The following UVRAG variants were observed in gnomAD, a reference collection of about 807,000 sequenced individuals.
The protein encoded by UVRAG is UV radiation resistance-associated gene protein.
Under a neutral mutation model 78.0 loss-of-function variants are expected in UVRAG, and 19 were observed. The ratio of observed to expected loss-of-function variants is 0.24; its 90% CI spans 0.17 to 0.36. The LOEUF (loss-of-function observed/expected upper bound fraction) is 0.36, where lower values mean the gene tolerates loss of function less well. Among genes scored for constraint, UVRAG ranks in the 10% least tolerant of loss-of-function variants. The pLI, the probability that UVRAG is intolerant of heterozygous loss-of-function variation, is 1.00. For missense variants in UVRAG, 740 were observed against 853.8 expected (o/e 0.87, Z 1.66); for synonymous variants, 323 against 324.6 (o/e 1.00, Z 0.05).
At chr11:76,001,575 G>A (rs900931012) in intron 8 of UVRAG, among the ~76,000 whole-genome samples, 5 of 152,152 alleles carry the variant, frequency 3.3e-5, no homozygotes, top group Admixed American at 6.5e-5. Context: ...AGTAAAAAGA[G>A]AGAAAATAAG....
chr11:75,869,462 AGT>A (rs1018042312), intron 3 of UVRAG, among the ~76,000 whole-genome samples: 2 of 151,736 alleles, frequency 1.3e-5, no homozygotes, highest in Non-Finnish European at 2.9e-5. Context: ...ATTAACATTG[AGT>A]GTGTGTGTGT....
intron 1 of UVRAG, among the ~76,000 whole-genome samples, chr11:75,842,442 C>CTTTTTTTT (rs11316075): frequency 1.5e-5 from 2 of 134,234 alleles, no homozygotes; most frequent in Non-Finnish European, 3.2e-5. Context: ...CCTTTTCTTT[C>CTTTTTTTT]TTTTTTTTTT....
At chr11:76,040,523 T>G (rs1263137013) in intron 12 of UVRAG, among the ~76,000 whole-genome samples, 1 of 150,700 alleles carries the variant, frequency 6.6e-6, no homozygotes, top group Non-Finnish European at 1.5e-5. Flanking sequence ...ACACACTGGA[T>G]TTTTGGTTTT....
chr11:76,137,818 G>A (rs1170470382), intron 14 of UVRAG: 2 of 255,696 alleles, frequency 7.8e-6, no homozygotes, highest in Non-Finnish European at 1.5e-5. Flanking sequence ...TGAGGTGGGA[G>A]GATCCCTTAA....
At chr11:76,101,920 T>C (rs1951886126) in intron 13 of UVRAG, among the ~76,000 whole-genome samples, 1 of 152,168 alleles carries the variant, frequency 6.6e-6, no homozygotes, top group African/African-American at 2.4e-5. Flanking sequence ...GGGGGTCTAT[T>C]CTATTCCATT....
chr11:75,849,363 G>A (rs1023247891), intron 1 of UVRAG, among the ~76,000 whole-genome samples: 8 of 150,284 alleles, frequency 5.3e-5, no homozygotes, highest in East Asian at 2.0e-4. Context: ...AAAATTAGCC[G>A]GGTGCCTGTA....
chr11:75,985,587 T>G (rs1173400204), intron 8 of UVRAG, among the ~76,000 whole-genome samples: 1 of 152,172 alleles, frequency 6.6e-6, no homozygotes, highest in African/African-American at 2.4e-5. Flanking sequence ...TTGTGACTAC[T>G]TGGAGAAATA....
In UVRAG at chr11:75,879,932, A is replaced by T. The variant is rs1443410726; in HGVS notation, c.324A>T (p.Thr108=). Residue 108 remains threonine (T), a synonymous_variant, in exon 4 of 15, where the codon ACA becomes ACT. Coordinates refer to ENST00000356136, the MANE Select transcript of UVRAG (RefSeq NM_003369.4). ...DFGIMPDRLD[T]SVSCFVVKIW... ...GAATTATGCCAGACCGTCTTGATAC[A>T]TCTGTGTCTTGTTTCGTGGTGAAGA... The T allele has an allele frequency of 6.2e-7, 1 of 1,614,214 alleles. No homozygotes were observed. Among genetic ancestry groups the T allele is most frequent in the Non-Finnish European group, 8.5e-7 (1 of 1,180,026 alleles).
chr11:76,003,140 A>G (rs1029480659), intron 8 of UVRAG, among the ~76,000 whole-genome samples: 1 of 152,028 alleles, frequency 6.6e-6, no homozygotes, highest in African/African-American at 2.4e-5. Flanking sequence ...CCTGTAATTC[A>G]CATTCATGGA....
chr11:75,966,895 AGAGACTTAGGTT>A (rs1054671487), intron 7 of UVRAG, among the ~76,000 whole-genome samples: 2 of 152,196 alleles, frequency 1.3e-5, no homozygotes, highest in African/African-American at 4.8e-5. Flanking sequence ...GGATTCAGTC[AGAGACTTAGGTT>A]GAATTTAAAC....
intron 12 of UVRAG, among the ~76,000 whole-genome samples, chr11:76,026,696 A>G (rs1201619347): frequency 1.3e-5 from 2 of 152,140 alleles, no homozygotes; most frequent in African/African-American, 2.4e-5. Context: ...GATGATAAAT[A>G]CATTGACTTG....
chr11:75,922,974 A>T (rs1053507922), intron 6 of UVRAG, among the ~76,000 whole-genome samples: 26 of 146,942 alleles, frequency 1.8e-4, no homozygotes, highest in African/African-American at 5.5e-4. Flanking sequence ...TATATATATA[A>T]GAAAAAAATA....
chr11:75,864,195 A>G (rs1946487062), intron 3 of UVRAG, among the ~76,000 whole-genome samples: 1 of 151,874 alleles, frequency 6.6e-6, no homozygotes, highest in Admixed American at 6.6e-5. Flanking sequence ...AGCTGGGACT[A>G]CAGGCATGAA....
chr11:76,007,963 A>G (rs188465387), intron 10 of UVRAG, among the ~76,000 whole-genome samples: 179 of 151,700 alleles, frequency 1.2e-3, no homozygotes, highest in African/African-American at 4.0e-3. Flanking sequence ...GCTGGAGTGC[A>G]GTGATGCGAT....
At chr11:76,097,491 C>T (rs1353180237) in intron 13 of UVRAG, among the ~76,000 whole-genome samples, 2 of 152,200 alleles carry the variant, frequency 1.3e-5, no homozygotes, top group Admixed American at 1.3e-4. Context: ...ACCTTCTAGT[C>T]TCACTGAGAC....
intron 11 of UVRAG, among the ~76,000 whole-genome samples, chr11:76,014,269 TTAGA>T (rs1331865277): frequency 1.3e-5 from 2 of 152,230 alleles, no homozygotes; most frequent in African/African-American, 2.4e-5. Context: ...ATGTTTAGCA[TTAGA>T]TAGATAGTTT....
At chr11:75,828,677 A>G (rs908589748) in intron 1 of UVRAG, among the ~76,000 whole-genome samples, 5 of 140,996 alleles carry the variant, frequency 3.5e-5, no homozygotes, top group Non-Finnish European at 6.1e-5. Context: ...ATATAAATAT[A>G]TACACATATA....
intron 14 of UVRAG, among the ~76,000 whole-genome samples, chr11:76,125,652 C>T (rs1476738268): frequency 6.6e-6 from 1 of 152,226 alleles, no homozygotes; most frequent in Admixed American, 6.5e-5. Flanking sequence ...CTCCAGCAAC[C>T]AAGTCTCTGA....
At chr11:75,985,870 G>A (rs908068243) in intron 8 of UVRAG, among the ~76,000 whole-genome samples, 4 of 151,948 alleles carry the variant, frequency 2.6e-5, no homozygotes, top group African/African-American at 9.7e-5. Context: ...CCTCTGTTCT[G>A]TTCTATTGAT....
Sources: gnomAD v4.1 joint callset for allele counts (sites outside exome capture counted in the v4.1 genomes callset) on GRCh38, gnomAD v4.1.1 for gene constraint, MANE v1.5 for transcripts, NCBI Gene and HGNC (gene_info 2026-07-23, HGNC 2026-07-21) for gene names.